Variants in ANO4 observed in about 807,000 individuals in gnomAD.
ANO4 encodes anoctamin 4.
Under a neutral mutation model 141.9 loss-of-function variants are expected in ANO4, and 69 were observed. The observed-to-expected ratio is 0.49, with a 90% confidence interval of 0.40 to 0.59. The LOEUF (loss-of-function observed/expected upper bound fraction) is 0.59, where lower values mean the gene tolerates loss of function less well. Ranked by LOEUF, ANO4 falls within the 20% of genes least tolerant of loss-of-function variation. ANO4 has a pLI of 0.00. For missense variants in ANO4, 894 were observed against 1,162.2 expected (o/e 0.77, Z 3.36); for synonymous variants, 350 against 394.3 (o/e 0.89, Z 1.33).
chr12:100,927,898 AGT>A (rs367958220), intron 3 of ANO4, among the ~76,000 whole-genome samples: 38 of 152,264 alleles, frequency 2.5e-4, no homozygotes, highest in Admixed American at 9.8e-4. Flanking sequence ...GGCACAAGAT[AGT>A]GTTTGCAGTG....
chr12:101,101,480 G>GT (rs2050183833), intron 22 of ANO4, among the ~76,000 whole-genome samples: 1 of 151,914 alleles, frequency 6.6e-6, no homozygotes, highest in Non-Finnish European at 1.5e-5. Context: ...TTTTCTGTTT[G>GT]TTTGTTTTGT....
At chr12:100,868,865 G>T (rs992518860) in intron 1 of ANO4, among the ~76,000 whole-genome samples, 1 of 152,200 alleles carries the variant, frequency 6.6e-6, no homozygotes, top group Non-Finnish European at 1.5e-5. Flanking sequence ...AGGTATTCTT[G>T]CCAAAGGCTG....
intron 15 of ANO4, 101 bp from the exon 16 acceptor site, chr12:101,083,577 G>A: frequency 7.2e-7 from 1 of 1,394,368 alleles, no homozygotes; most frequent in Non-Finnish European, 9.7e-7. Flanking sequence ...AATTAGTGTG[G>A]CAGCTGTTGA....
chr12:100,967,635 C>T (rs2043737486), intron 5 of ANO4, among the ~76,000 whole-genome samples: 1 of 151,480 alleles, frequency 6.6e-6, no homozygotes, highest in Non-Finnish European at 1.5e-5. Flanking sequence ...CATCGCCATT[C>T]AAGAGAATTC....
intron 5 of ANO4, among the ~76,000 whole-genome samples, chr12:100,964,461 A>C (rs1322409345): frequency 6.9e-6 from 1 of 145,984 alleles, no homozygotes; most frequent in Non-Finnish European, 1.5e-5. Flanking sequence ...ATTTGCATTC[A>C]CTATGATTTT....
At chr12:100,817,144 T>G (rs1299800727) in intron 1 of ANO4, among the ~76,000 whole-genome samples, 1 of 151,864 alleles carries the variant, frequency 6.6e-6, no homozygotes, top group African/African-American at 2.4e-5. Context: ...TTTATATAAT[T>G]CCTTAAGTAT....
chr12:101,063,981 T>C (rs559673720), intron 14 of ANO4, among the ~76,000 whole-genome samples: 1 of 151,966 alleles, frequency 6.6e-6, no homozygotes, highest in South Asian at 2.1e-4. Flanking sequence ...AGCTTTTGGT[T>C]TTAATGATGT....
chr12:101,087,416 G>C (rs2049551656), intron 17 of ANO4, among the ~76,000 whole-genome samples: 1 of 151,964 alleles, frequency 6.6e-6, no homozygotes, highest in African/African-American at 2.4e-5. Context: ...CAGCTGCTTT[G>C]TGGGGCTGAG....
At chr12:101,014,050 T>G (rs1276604444) in intron 8 of ANO4, among the ~76,000 whole-genome samples, 2 of 152,216 alleles carry the variant, frequency 1.3e-5, no homozygotes, top group Non-Finnish European at 2.9e-5. Context: ...TAGGTTCCTC[T>G]GAGGAGAGAA....
At chr12:100,975,427 CTT>C (rs201688045) in intron 7 of ANO4, among the ~76,000 whole-genome samples, 1 of 139,800 alleles carries the variant, frequency 7.2e-6, no homozygotes, top group Admixed American at 7.3e-5. Flanking sequence ...TTCTTTCTTT[CTT>C]TTTTTTTTTT....
chr12:100,902,180 A>G (rs1288166344), intron 2 of ANO4, among the ~76,000 whole-genome samples: 1 of 152,184 alleles, frequency 6.6e-6, no homozygotes, highest in African/African-American at 2.4e-5. Context: ...AATTTGCTCT[A>G]AGATTGGTCA....
chr12:101,024,557 C>T (rs896937989), intron 9 of ANO4, among the ~76,000 whole-genome samples: 8 of 151,900 alleles, frequency 5.3e-5, no homozygotes, highest in South Asian at 4.2e-4. Context: ...GATCGCACCA[C>T]TGCATTCCAG....
intron 3 of ANO4, among the ~76,000 whole-genome samples, chr12:100,771,294 C>G (rs565615115): frequency 3.9e-4 from 60 of 152,224 alleles, no homozygotes; most frequent in South Asian, 2.3e-3. Context: ...ACAGGCAGAA[C>G]CAACTCTACT....
intron 14 of ANO4, among the ~76,000 whole-genome samples, chr12:101,064,098 A>G (rs1422320898): frequency 6.6e-6 from 1 of 151,858 alleles, no homozygotes; most frequent in African/African-American, 2.4e-5. Context: ...TAATTTCTTA[A>G]GGTAAATGCC....
intron 2 of ANO4, among the ~76,000 whole-genome samples, chr12:100,737,218 A>C (rs1373105027): frequency 6.6e-6 from 1 of 152,126 alleles, no homozygotes; most frequent in Non-Finnish European, 1.5e-5. Flanking sequence ...CTGCTCAGTG[A>C]CATTGTGAAA....
chr12:100,836,165 T>C (rs2036900176), intron 1 of ANO4, among the ~76,000 whole-genome samples: 1 of 152,182 alleles, frequency 6.6e-6, no homozygotes, highest in African/African-American at 2.4e-5. Context: ...TTATATTTCA[T>C]TTATCAATAA....
intron 3 of ANO4, among the ~76,000 whole-genome samples, chr12:100,780,665 T>G (rs11110517): frequency 0.055 from 8,380 of 152,204 alleles, 246 homozygotes; most frequent in East Asian, 0.068. Context: ...GCCCATTTCT[T>G]TGCTACATCC....
chr12:101,109,896 TCA>T (rs2137010904), intron 22 of ANO4, among the ~76,000 whole-genome samples: 1 of 152,352 alleles, frequency 6.6e-6, no homozygotes, highest in African/African-American at 2.4e-5. Flanking sequence ...TATATTTACA[TCA>T]GTCTGGACTT....
At chr12:100,998,411 CT>C (rs1318814818) in intron 8 of ANO4, among the ~76,000 whole-genome samples, 140 of 152,064 alleles carry the variant, frequency 9.2e-4, no homozygotes, top group African/African-American at 3.2e-3. Context: ...ATCTATCTAT[CT>C]ATCCATCCTA....
Sources: gnomAD v4.1 joint callset for allele counts (sites outside exome capture counted in the v4.1 genomes callset) on GRCh38, gnomAD v4.1.1 for gene constraint, MANE v1.5 for transcripts, NCBI Gene and HGNC (gene_info 2026-07-23, HGNC 2026-07-21) for gene names.